Variants in DLGAP2 observed in about 807,000 individuals in gnomAD.
DLGAP2 encodes DLG associated protein 2.
In DLGAP2, 26 loss-of-function variants were observed where a neutral mutation model predicts 100.3. The observed-to-expected ratio is 0.26, with a 90% CI of 0.19 to 0.36. The LOEUF (loss-of-function observed/expected upper bound fraction) is 0.36, where lower values mean the gene tolerates loss of function less well. Ranked by LOEUF, DLGAP2 falls within the 10% of genes least tolerant of loss-of-function variation. The pLI is 1.00. For synonymous variants in DLGAP2, 886 were observed against 630.1 expected (o/e 1.41, Z -6.08); for missense variants, 1,858 against 1,453.2 (o/e 1.28, Z -4.53).
intron 3 of DLGAP2, among the ~76,000 whole-genome samples, chr8:1,330,009 C>T (rs1801112342): frequency 6.6e-6 from 1 of 152,228 alleles, no homozygotes; most frequent in African/African-American, 2.4e-5. Flanking sequence ...GCTGCGGACC[C>T]CAGGGACAGA....
intron 1 of DLGAP2, among the ~76,000 whole-genome samples, chr8:814,443 G>A (rs926532168): frequency 1.3e-5 from 2 of 152,188 alleles, no homozygotes; most frequent in Non-Finnish European, 2.9e-5. Flanking sequence ...AACAGGCATG[G>A]AGACTTTATG....
At chr8:1,510,713 C>A (rs1800131899) in intron 4 of DLGAP2, among the ~76,000 whole-genome samples, 1 of 152,164 alleles carries the variant, frequency 6.6e-6, no homozygotes, top group Non-Finnish European at 1.5e-5. Context: ...GAATGAGTGG[C>A]CAGTCTAGGT....
At chr8:1,409,046 G>T (rs181281798) in intron 3 of DLGAP2, among the ~76,000 whole-genome samples, 2 of 152,316 alleles carry the variant, frequency 1.3e-5, no homozygotes, top group Admixed American at 6.5e-5. Context: ...CCAGAATGTG[G>T]ACCACTGCCC....
At chr8:1,225,002 A>G (rs1408425576) in intron 2 of DLGAP2, among the ~76,000 whole-genome samples, 1 of 152,202 alleles carries the variant, frequency 6.6e-6, no homozygotes, top group African/African-American at 2.4e-5. Flanking sequence ...TGGAAATGTA[A>G]AGTTATTTAG....
In DLGAP2 at chr8:1,701,385, C is replaced by G. The variant is rs35716530; in HGVS notation, c.3147C>G (p.Pro1049=). ...ERADSIEIYI[P]EAQTRL is the part of the protein sequence containing the mutation. The stretch of plus-strand genomic sequence containing the variant: ...CGGACAGCATCGAGATCTACATCCC[C>G]GAGGCCCAGACCCGGCTCTGAGGGC... Residue 1049 remains proline (P), a synonymous_variant, in exon 15 of 15, where the codon CCC becomes CCG. Coordinates refer to ENST00000637795, the MANE Select transcript of DLGAP2 (RefSeq NM_001346810.2). 1.0e-3 allele frequency: 1,605 copies of G among 1,595,868 alleles called. 19 individuals carry two copies. The African/African-American group carries it at 0.019, about 19-fold the overall frequency.
At chr8:1,225,926 G>T (rs1328597023) in intron 2 of DLGAP2, among the ~76,000 whole-genome samples, 1 of 152,030 alleles carries the variant, frequency 6.6e-6, no homozygotes, top group East Asian at 1.9e-4. Flanking sequence ...CATGCTGTAT[G>T]CTGTAAATAT....
chr8:1,171,808 A>G (rs1200826989), intron 2 of DLGAP2, among the ~76,000 whole-genome samples: 1 of 152,080 alleles, frequency 6.6e-6, no homozygotes, highest in Non-Finnish European at 1.5e-5. Context: ...CCTGAATATA[A>G]CACACTGATG....
chr8:997,998 C>G (rs1023550742), intron 2 of DLGAP2, among the ~76,000 whole-genome samples: 2 of 149,428 alleles, frequency 1.3e-5, no homozygotes, highest in African/African-American at 4.9e-5. Flanking sequence ...CACGTGCACA[C>G]AAACATGCAT....
chr8:1,364,503 G>GGC (rs1554452277), intron 3 of DLGAP2, among the ~76,000 whole-genome samples: 5 of 51,480 alleles, frequency 9.7e-5, no homozygotes, highest in Admixed American at 3.8e-4. Context: ...TGGGAAGGGC[G>GGC]GGGGGGGTGC....
intron 2 of DLGAP2, among the ~76,000 whole-genome samples, chr8:1,071,496 G>C (rs1038938049): frequency 6.6e-6 from 1 of 152,120 alleles, no homozygotes. Flanking sequence ...GCTCCTGGGC[G>C]TCCCGGTGCC....
chr8:1,515,498 G>GCA (rs138922244), intron 4 of DLGAP2, among the ~76,000 whole-genome samples: 7 of 151,304 alleles, frequency 4.6e-5, no homozygotes, highest in East Asian at 1.9e-4. Flanking sequence ...ACAGAAATGT[G>GCA]CACACACACA....
chr8:1,334,279 AC>A (rs1390847923), intron 3 of DLGAP2, among the ~76,000 whole-genome samples: 1 of 152,112 alleles, frequency 6.6e-6, no homozygotes, highest in Non-Finnish European at 1.5e-5. Flanking sequence ...AGCATTTGCC[AC>A]CCCATGCAGC....
chr8:802,826 C>A (rs547704018), intron 1 of DLGAP2, among the ~76,000 whole-genome samples: 1 of 152,292 alleles, frequency 6.6e-6, no homozygotes, highest in South Asian at 2.1e-4. Context: ...TGTGGCCCCT[C>A]TGAGAAAGTG....
chr8:1,380,135 CAGT>C (rs1796058326), intron 3 of DLGAP2: 1 of 152,186 alleles, frequency 6.6e-6, no homozygotes, highest in Non-Finnish European at 1.5e-5. Context: ...TGGTTTGTAA[CAGT>C]AGTTCAATAA....
chr8:1,296,302 A>C (rs1434057646), intron 3 of DLGAP2: 1 of 152,170 alleles, frequency 6.6e-6, no homozygotes. Context: ...CTAGAACCTC[A>C]ATTATAACTT....
intron 5 of DLGAP2, among the ~76,000 whole-genome samples, chr8:1,552,284 C>T (rs773323925): frequency 2.0e-5 from 3 of 152,216 alleles, no homozygotes; most frequent in Non-Finnish European, 2.9e-5. Context: ...TCATGGCGCT[C>T]GTTCACAAGG....
At chr8:1,303,796 G>A (rs1037617265) in intron 3 of DLGAP2, among the ~76,000 whole-genome samples, 2 of 152,134 alleles carry the variant, frequency 1.3e-5, no homozygotes, top group African/African-American at 2.4e-5. Context: ...TCCGGTGCTC[G>A]TCCAGCCCTG....
intron 1 of DLGAP2, among the ~76,000 whole-genome samples, chr8:803,230 C>T (rs1796205977): frequency 6.6e-6 from 1 of 152,208 alleles, no homozygotes; most frequent in Non-Finnish European, 1.5e-5. Context: ...CAAACCTCTC[C>T]ATGTTTCTCC....
chr8:1,458,170 T>TA, intron 3 of DLGAP2, among the ~76,000 whole-genome samples: 1 of 151,836 alleles, frequency 6.6e-6, no homozygotes, highest in Non-Finnish European at 1.5e-5. Flanking sequence ...CCTCCCAAAG[T>TA]GCTGGGATTA....
Sources: gnomAD v4.1 joint callset for allele counts (sites outside exome capture counted in the v4.1 genomes callset) on GRCh38, gnomAD v4.1.1 for gene constraint, MANE v1.5 for transcripts, NCBI Gene and HGNC (gene_info 2026-07-23, HGNC 2026-07-21) for gene names.